Variants in SLC6A11 observed in about 807,000 individuals in gnomAD.
SLC6A11 encodes the protein sodium- and chloride-dependent GABA transporter 3.
Under a neutral mutation model 74.8 loss-of-function variants are expected in SLC6A11, and 25 were observed. The ratio of observed to expected loss-of-function variants is 0.33; its 90% CI spans 0.24 to 0.47. The LOEUF (loss-of-function observed/expected upper bound fraction) is 0.47. Among genes scored for constraint, SLC6A11 ranks in the 20% least tolerant of loss-of-function variants. SLC6A11 has a pLI of 1.00. For synonymous variants in SLC6A11, 330 were observed against 330.2 expected (o/e 1.00, Z 0.01); for missense variants, 574 against 837.0 (o/e 0.69, Z 3.88).
chr3:10,859,569 G>A (rs1419145799), intron 5 of SLC6A11, among the ~76,000 whole-genome samples: 1 of 152,204 alleles, frequency 6.6e-6, no homozygotes, highest in Admixed American at 6.5e-5. Flanking sequence ...TAGCATGTAT[G>A]TTAGGATTTC....
chr3:10,840,477 C>G (rs1694423503), intron 4 of SLC6A11, among the ~76,000 whole-genome samples: 2 of 152,232 alleles, frequency 1.3e-5, no homozygotes, highest in African/African-American at 4.8e-5. Context: ...GTCTTCTCCA[C>G]TAGACCACGG....
intron 4 of SLC6A11, among the ~76,000 whole-genome samples, chr3:10,839,127 A>G (rs1490822364): frequency 6.6e-6 from 1 of 151,786 alleles, no homozygotes; most frequent in Non-Finnish European, 1.5e-5. Flanking sequence ...CTTATCCCCC[A>G]TTCCCTCCTG....
At chr3:10,884,907 A>G (rs982440376) in intron 6 of SLC6A11, among the ~76,000 whole-genome samples, 1 of 152,270 alleles carries the variant, frequency 6.6e-6, no homozygotes, top group Admixed American at 6.5e-5. Context: ...TTCTTCACTT[A>G]TCTGCTTTAG....
rs1286272428 is a variant in SLC6A11 at position 10,915,211 on chromosome 3, C to T, written c.995+3018C>T. 6.6e-6 allele frequency among the ~76,000 whole-genome samples: 1 copy of T among 152,050 alleles called. No individual in the cohort carries two copies. The highest frequency in any genetic ancestry group is 1.5e-5 in the Non-Finnish European group (1 of 67,998). ...CTACTGGAGTTGAAGAGGGTTTGGC[C>T]AAAACTGCCTTGTCTCCAGCCTGTG... On this transcript the variant is annotated intron_variant, in intron 7 of 13. Coordinates refer to ENST00000254488, the MANE Select transcript of SLC6A11 (RefSeq NM_014229.3). This position sits in a 1 kb window ranked among gnomAD's most constrained non-coding sequence, Gnocchi z 4.3.
chr3:10,845,034 G>A (rs1694486125), intron 5 of SLC6A11, among the ~76,000 whole-genome samples: 1 of 152,228 alleles, frequency 6.6e-6, no homozygotes, highest in South Asian at 2.1e-4. Context: ...TGAGCATGCT[G>A]TGCACTGCAA....
At chr3:10,914,917 C>T (rs1299862635) in intron 7 of SLC6A11, among the ~76,000 whole-genome samples, 1 of 152,124 alleles carries the variant, frequency 6.6e-6, no homozygotes, top group Non-Finnish European at 1.5e-5. Context: ...GGTCACTGTC[C>T]CCTCCAGCTA....
intron 5 of SLC6A11, among the ~76,000 whole-genome samples, chr3:10,868,905 G>A (rs1694796083): frequency 6.6e-6 from 1 of 152,190 alleles, no homozygotes; most frequent in African/African-American, 2.4e-5. Flanking sequence ...AATCCTTTGT[G>A]ATGTCCTTGT....
At chr3:10,851,099 C>T (rs1003895240) in intron 5 of SLC6A11, among the ~76,000 whole-genome samples, 4 of 152,098 alleles carry the variant, frequency 2.6e-5, no homozygotes, top group South Asian at 2.1e-4. Context: ...TGTCCCCCCA[C>T]GCTGCCCCTA....
At chr3:10,934,756 C>T (rs1300164088) in intron 12 of SLC6A11, among the ~76,000 whole-genome samples, 2 of 152,320 alleles carry the variant, frequency 1.3e-5, no homozygotes, top group Non-Finnish European at 2.9e-5. Context: ...GGAAGAGGCT[C>T]CTGGGGGTGG....
chr3:10,841,613 A>G (rs1023739129), intron 4 of SLC6A11, among the ~76,000 whole-genome samples: 6 of 152,242 alleles, frequency 3.9e-5, no homozygotes, highest in Non-Finnish European at 8.8e-5. Flanking sequence ...AGATTGTTCA[A>G]TTAAGCGAGA....
intron 5 of SLC6A11, among the ~76,000 whole-genome samples, chr3:10,851,230 G>T (rs61067090): frequency 0.015 from 2,276 of 152,130 alleles, 57 homozygotes; most frequent in African/African-American, 0.051. Flanking sequence ...CAGGAGCAGT[G>T]ACTGGGAGGG....
intron 4 of SLC6A11, among the ~76,000 whole-genome samples, chr3:10,828,081 A>G (rs149061481): frequency 9.3e-4 from 141 of 152,278 alleles, no homozygotes; most frequent in African/African-American, 3.3e-3. Context: ...CTGCAGTTCT[A>G]AATTTTGAGC....
chr3:10,898,605 A>G lies in SLC6A11; in HGVS notation c.892-13485A>G, dbSNP rs187209840. ...AGTTTCCAGCAAGTTCCTCATCTCC[A>G]TCTGAGACCACCTCAGCCTGGATTT... On this transcript the variant is annotated intron_variant, in intron 6 of 13. Coordinates refer to ENST00000254488, the MANE Select transcript of SLC6A11 (RefSeq NM_014229.3). Among the ~76,000 whole-genome samples, 536 of 152,294 alleles carry G rather than the reference A, an allele frequency of 3.5e-3. 1 individual carries two copies. The highest frequency in any genetic ancestry group is 6.3e-3 in the Non-Finnish European group (431 of 68,024).
intron 5 of SLC6A11, among the ~76,000 whole-genome samples, chr3:10,847,953 G>A (rs1446014501): frequency 2.0e-5 from 3 of 152,176 alleles, no homozygotes; most frequent in African/African-American, 4.8e-5. Flanking sequence ...GTTCGAGTAG[G>A]AAGAAACCCA....
chr3:10,905,489 T>G (rs1235303390), intron 6 of SLC6A11, among the ~76,000 whole-genome samples: 3 of 152,224 alleles, frequency 2.0e-5, no homozygotes, highest in Admixed American at 2.0e-4. Context: ...GGGCTATGCT[T>G]TAATCTTTGT....
chr3:10,901,354 G>A (rs933937077), intron 6 of SLC6A11, among the ~76,000 whole-genome samples: 8 of 152,192 alleles, frequency 5.3e-5, no homozygotes, highest in South Asian at 2.1e-4. Flanking sequence ...AGTGACCCTC[G>A]TTCCCTGCTC....
intron 6 of SLC6A11, among the ~76,000 whole-genome samples, chr3:10,909,193 A>G (rs999436926): frequency 6.6e-6 from 1 of 152,016 alleles, no homozygotes; most frequent in African/African-American, 2.4e-5. Flanking sequence ...GCCAAGAAAA[A>G]TCCTTGGATT....
chr3:10,926,211 A>C lies in SLC6A11; in HGVS notation c.1233+95A>C. The C allele has an allele frequency of 1.4e-6, 1 of 729,692 alleles. No individual in the cohort carries two copies. Among genetic ancestry groups the C allele is most frequent in the Non-Finnish European group, 2.3e-6 (1 of 429,726 alleles). 45.2% of individuals were successfully genotyped at this position (729,692 alleles called of 1,614,324 possible). ...TAGGAGTGGCTCCCCAGGCCCAGCC[A>C]CTCCCACCTGGCCCTGGCATCAGGG... is the stretch of plus-strand genomic sequence containing the variant. On this transcript the variant is annotated intron_variant, in intron 9 of 13. Coordinates refer to ENST00000254488, the MANE Select transcript of SLC6A11 (RefSeq NM_014229.3). The surrounding 1 kb of genome is among the most constrained non-coding windows in gnomAD (Gnocchi z 5.7).
At chr3:10,840,573 C>T (rs948257467) in intron 4 of SLC6A11, among the ~76,000 whole-genome samples, 20 of 152,206 alleles carry the variant, frequency 1.3e-4, no homozygotes, top group Non-Finnish European at 1.9e-4. Flanking sequence ...TTACTAAATG[C>T]GTGAATGCCA....
Sources: allele counts gnomAD v4.1 joint callset (sites outside exome capture counted in the v4.1 genomes callset), GRCh38; gene constraint gnomAD v4.1.1; non-coding constraint Gnocchi (gnomAD v3.1); transcripts MANE v1.5; gene names NCBI Gene and HGNC (gene_info 2026-07-23, HGNC 2026-07-21).